The following CD46 variants were observed in gnomAD, a reference collection of about 807,000 sequenced individuals.
The protein encoded by CD46 is CD46 molecule, also known as membrane cofactor protein.
Under a neutral mutation model 53.3 loss-of-function variants are expected in CD46, and 30 were observed. That is an observed-to-expected ratio of 0.56 (90% CI 0.42 to 0.76). The LOEUF is 0.76. Among genes scored for constraint, CD46 ranks in the 30% least tolerant of loss-of-function variants. The pLI is 0.00. For missense variants in CD46, 409 were observed against 463.0 expected, an observed-to-expected ratio of 0.88 and a Z score of 1.07; for synonymous variants, 142 against 152.0, an observed-to-expected ratio of 0.93 and a Z score of 0.48.
At chr1:207,770,699 A>G (rs959249034) in intron 8 of CD46, among the ~76,000 whole-genome samples, 4 of 152,180 alleles carry the variant, frequency 2.6e-5, no homozygotes, top group Non-Finnish European at 4.4e-5. Context: ...GATGGTTTCC[A>G]GCTTCATCCA....
intron 4 of CD46, chr1:207,760,955 C>T (rs1371752273): frequency 2.6e-6 from 1 of 387,662 alleles, no homozygotes; most frequent in Non-Finnish European, 4.8e-6. Context: ...GGCCCCACCT[C>T]CAACATTGTG....
At chr1:207,756,432 T>C (rs1009363462) in intron 1 of CD46, among the ~76,000 whole-genome samples, 2 of 152,248 alleles carry the variant, frequency 1.3e-5, no homozygotes, top group African/African-American at 4.8e-5. Flanking sequence ...TAGGGTTGTT[T>C]TGATTTTCCC....
chr1:207,785,182 AGTTTCTATAGTTTTTTC>A (rs1307319112), intron 10 of CD46, 76 bp downstream of exon 10: 3 of 1,166,576 alleles, frequency 2.6e-6, no homozygotes, highest in Non-Finnish European at 3.8e-6. Context: ...ATAGTTTTTC[AGTTTCTATAGTTTTTTC>A]AGCTTGTAAA....
intron 12 of CD46, 69 bp from the exon 13 acceptor site, chr1:207,793,450 C>A: frequency 8.5e-7 from 1 of 1,175,846 alleles, no homozygotes; most frequent in Non-Finnish European, 1.3e-6. Context: ...TCTGAATAGG[C>A]TTCTGGAATT....
intron 8 of CD46, among the ~76,000 whole-genome samples, chr1:207,775,139 C>T (rs1052471492): frequency 1.3e-5 from 2 of 152,114 alleles, no homozygotes; most frequent in Non-Finnish European, 2.9e-5. Flanking sequence ...GATCTTCAAT[C>T]ACTGATATAG....
chr1:207,783,886 CTG>C (rs1484552730), intron 9 of CD46, among the ~76,000 whole-genome samples: 1 of 152,144 alleles, frequency 6.6e-6, no homozygotes, highest in East Asian at 1.9e-4. Flanking sequence ...CACTTGATAA[CTG>C]TTTATGAGAT....
In CD46 at chr1:207,790,294, C is replaced by A; in HGVS notation, c.1124C>A (p.Thr375Asn). Reference protein sequence around the residue: ...TDETHREVKFTSL With the variant: ...TDETHREVKFNSL ...GAGACCCACAGAGAAGTAAAATTTA[C>A]TTCTCTCTGAGAAGGAGAGATGAGA... The change falls in exon 12 of 13, where the codon ACT (threonine) becomes AAT (asparagine). Residue 375 changes from threonine (T) to asparagine (N), a missense_variant. Coordinates refer to ENST00000367042, the MANE Select transcript of CD46 (RefSeq NM_172351.3). 6.3e-7 allele frequency: 1 copy of A among 1,599,970 alleles called. No individual in the cohort carries two copies. Among genetic ancestry groups the A allele is most frequent in the Non-Finnish European group, 8.6e-7 (1 of 1,167,372 alleles).
chr1:207,788,450 C>A lies in CD46; in HGVS notation c.1083-1803C>A, dbSNP rs1165656289. Among the ~76,000 whole-genome samples the A allele has an allele frequency of 2.0e-5, 3 of 151,904 alleles. No homozygotes were observed. The East Asian group carries it at 5.8e-4, about 30-fold the overall frequency. Reference sequence around the variant, plus strand: ...AGGAGAATGGCGTGAACCCCGGAGGCGGAGCTTGCAGTGAGCGAGATTGCG... The same window carrying A: ...AGGAGAATGGCGTGAACCCCGGAGGAGGAGCTTGCAGTGAGCGAGATTGCG... On this transcript the variant is annotated intron_variant, in intron 11 of 12. Coordinates refer to ENST00000367042, the MANE Select transcript of CD46 (RefSeq NM_172351.3).
chr1:207,754,537 C>T (rs972552636), intron 1 of CD46, among the ~76,000 whole-genome samples: 7 of 152,076 alleles, frequency 4.6e-5, no homozygotes, highest in African/African-American at 1.7e-4. Flanking sequence ...TCCAAAAGCC[C>T]GATTTGTTTA....
chr1:207,755,478 C>T (rs1655426212), intron 1 of CD46, among the ~76,000 whole-genome samples: 1 of 152,212 alleles, frequency 6.6e-6, no homozygotes, highest in Admixed American at 6.5e-5. Flanking sequence ...GACCTGCCCT[C>T]TCAAAGGTAG....
chr1:207,792,380 A>T (rs576477316), intron 12 of CD46, among the ~76,000 whole-genome samples: 2 of 152,286 alleles, frequency 1.3e-5, no homozygotes, highest in East Asian at 3.9e-4. Context: ...GTCCTTAGGG[A>T]ACTGCAATAT....
At chr1:207,785,745 A>C in intron 11 of CD46, 63 bp downstream of exon 11, 1 of 1,067,046 alleles carries the variant, frequency 9.4e-7, no homozygotes, top group South Asian at 1.3e-5. Context: ...GCTTTTGTGC[A>C]GCTTCAGTTT....
intron 12 of CD46, among the ~76,000 whole-genome samples, chr1:207,791,610 G>C (rs1659806265): frequency 6.6e-6 from 1 of 152,216 alleles, no homozygotes; most frequent in Admixed American, 6.5e-5. Flanking sequence ...CTAAAACGTA[G>C]TTCTGTAATT....
chr1:207,779,334 A>G (rs1658459038), intron 8 of CD46, among the ~76,000 whole-genome samples: 1 of 152,000 alleles, frequency 6.6e-6, no homozygotes, highest in Admixed American at 6.6e-5. Context: ...ATGTGTAATT[A>G]TACATGTAGT....
At chr1:207,773,805 A>C (rs1657783465) in intron 8 of CD46, among the ~76,000 whole-genome samples, 1 of 152,146 alleles carries the variant, frequency 6.6e-6, no homozygotes, top group South Asian at 2.1e-4. Flanking sequence ...TCTACCAATT[A>C]TGTGGTCAAT....
intron 7 of CD46, chr1:207,768,593 G>A (rs1473261998): frequency 1.3e-5 from 2 of 152,170 alleles, no homozygotes; most frequent in South Asian, 4.1e-4. Context: ...GCAACTGAAA[G>A]GCAGGAAAAG....
At chr1:207,790,127 A>T (rs1333509393) in intron 11 of CD46, 126 bp from the exon 12 acceptor site, 2 of 709,356 alleles carry the variant, frequency 2.8e-6, no homozygotes, top group Non-Finnish European at 5.2e-6. Context: ...GTCTTAAGTT[A>T]TGAACCTAAT....
At chr1:207,785,024 T>C (rs764156565) in intron 9 of CD46, 47 bp from the exon 10 acceptor site, 8 of 1,521,672 alleles carry the variant, frequency 5.3e-6, no homozygotes, top group African/African-American at 4.1e-5. Context: ...ATAAATGCTA[T>C]CTGGAGATCC....
At chr1:207,775,758 C>T (rs1469984626) in intron 8 of CD46, among the ~76,000 whole-genome samples, 1 of 152,186 alleles carries the variant, frequency 6.6e-6, no homozygotes. Context: ...GGGGCACCCA[C>T]CACCTGTTTG....
Sources: allele counts gnomAD v4.1 joint callset (sites outside exome capture counted in the v4.1 genomes callset), GRCh38; gene constraint gnomAD v4.1.1; transcripts MANE v1.5; gene names NCBI Gene and HGNC (gene_info 2026-07-23, HGNC 2026-07-21).